Variants in KDM4C observed in about 807,000 individuals in gnomAD.
KDM4C encodes lysine demethylase 4C, also known as lysine-specific demethylase 4C.
In KDM4C, 81 loss-of-function variants were observed where a neutral mutation model predicts 129.3. That is an observed-to-expected ratio of 0.63 (90% confidence interval 0.52 to 0.75). KDM4C has a LOEUF of 0.75. Among genes scored for constraint, KDM4C ranks in the 30% least tolerant of loss-of-function variants. KDM4C has a pLI of 0.00. For missense variants in KDM4C, 1,457 were observed against 1,304.0 expected (o/e 1.12, Z -1.81); for synonymous variants, 573 against 456.1 (o/e 1.26, Z -3.26).
intron 17 of KDM4C, among the ~76,000 whole-genome samples, chr9:7,096,453 C>T (rs1390268363): frequency 2.0e-5 from 3 of 152,152 alleles, no homozygotes; most frequent in Non-Finnish European, 4.4e-5. Context: ...CCTTCTCACC[C>T]GTTCACTTCT....
rs572001438 is a variant in KDM4C, at chr9:7,069,038, A to G, written c.2424+19838A>G. Among the ~76,000 whole-genome samples the G allele has an allele frequency of 1.4e-4, 22 of 151,828 alleles. No homozygotes were observed. The East Asian group carries it at 3.5e-3, about 24-fold the overall frequency. ...CTATCCGAACCTTTCTTCTCACTCTACATTCTCAGTGGAGCATTCGTAGAA... is the reference window on the plus strand; with the variant it reads ...CTATCCGAACCTTTCTTCTCACTCTGCATTCTCAGTGGAGCATTCGTAGAA... On this transcript the variant is annotated intron_variant, in intron 17 of 21. Transcript: ENST00000381309.
At chr9:7,161,095 C>T (rs542249535) in intron 19 of KDM4C, among the ~76,000 whole-genome samples, 29 of 152,212 alleles carry the variant, frequency 1.9e-4, no homozygotes, top group Admixed American at 3.9e-4. Context: ...GACTGCTGCG[C>T]TAGCAGTGAG....
At chr9:6,959,729 T>C (rs1451639115) in intron 8 of KDM4C, among the ~76,000 whole-genome samples, 1 of 152,184 alleles carries the variant, frequency 6.6e-6, no homozygotes, top group Non-Finnish European at 1.5e-5. Flanking sequence ...CTAGTTAGGC[T>C]ACACGAATTA....
chr9:6,963,950 G>T (rs1240491653), intron 8 of KDM4C, among the ~76,000 whole-genome samples: 1 of 152,150 alleles, frequency 6.6e-6, no homozygotes, highest in Non-Finnish European at 1.5e-5. Context: ...TTTGAAAAAT[G>T]GTTAGAAAGC....
chr9:6,859,573 C>G (rs1449779003), intron 5 of KDM4C, among the ~76,000 whole-genome samples: 1 of 123,642 alleles, frequency 8.1e-6, no homozygotes, highest in Non-Finnish European at 1.7e-5. Context: ...CATTTTAAAA[C>G]TGAGGACTGG....
chr9:6,901,896 G>A (rs976722243), intron 8 of KDM4C, among the ~76,000 whole-genome samples: 1 of 152,172 alleles, frequency 6.6e-6, no homozygotes, highest in African/African-American at 2.4e-5. Context: ...TTCAGTCTAT[G>A]TTCTCAGCTC....
At chr9:7,107,167 C>T (rs940101517) in intron 18 of KDM4C, among the ~76,000 whole-genome samples, 6 of 152,196 alleles carry the variant, frequency 3.9e-5, no homozygotes, top group African/African-American at 1.2e-4. Flanking sequence ...CTGTCCGCTT[C>T]ACCACCCTGT....
In KDM4C at chr9:7,174,861, G is replaced by A; in HGVS notation, c.*132G>A. ...TGTGTCTCTGACAGTGGTAAATCGGGTTTCCAGAGTTTGGTCACCAAAAAT... is the reference window on the plus strand; with the variant it reads ...TGTGTCTCTGACAGTGGTAAATCGGATTTCCAGAGTTTGGTCACCAAAAAT... On this transcript the variant is annotated 3_prime_UTR_variant, in exon 22 of 22. Coordinates refer to ENST00000381309, the MANE Select transcript of KDM4C (RefSeq NM_015061.6). 1.4e-6 allele frequency: 1 copy of A among 702,330 alleles called. No individual in the cohort carries two copies. Among genetic ancestry groups the A allele is most frequent in the South Asian group, 2.3e-5 (1 of 42,642 alleles). The allele number at this position is 702,330 out of a possible 1,614,324, so 43.5% of individuals were successfully genotyped here. A position where few individuals can be genotyped will look rare whatever the true frequency, so the allele number is the denominator to read the frequency against.
chr9:7,129,238 T>C (rs766059419), intron 19 of KDM4C, among the ~76,000 whole-genome samples: 5 of 152,216 alleles, frequency 3.3e-5, no homozygotes, highest in Non-Finnish European at 7.3e-5. Context: ...CCTTTTGAAA[T>C]TGCTAAAGAC....
At chr9:6,874,313 A>G (rs978988546) in intron 5 of KDM4C, among the ~76,000 whole-genome samples, 4 of 152,194 alleles carry the variant, frequency 2.6e-5, no homozygotes, top group African/African-American at 9.7e-5. Flanking sequence ...ATGTTAAACA[A>G]CAATTAGTAA....
Position 6,849,523 on chromosome 9 carries a change from A to G in KDM4C, c.452A>G (p.Asn151Ser). The G allele has an allele frequency of 6.3e-7, 1 of 1,593,882 alleles. No individual in the cohort carries two copies. The highest frequency in any genetic ancestry group is 8.6e-7 in the Non-Finnish European group (1 of 1,165,392). ...SIYDEGVDEW[N>S]IARLNTVLDV... ...TCATTCCAGGGTGTGGATGAATGGA[A>G]CATAGCTCGCCTCAATACAGTCTTG... is the stretch of plus-strand genomic sequence containing the variant. Residue 151 changes from asparagine (N) to serine (S), a missense_variant, in exon 5 of 22, where the codon AAC (asparagine) becomes AGC (serine). Asn to Ser is a conservative substitution (Grantham distance 46). Transcript: ENST00000381309.
At chr9:6,778,249 C>G (rs946422324) in intron 1 of KDM4C, among the ~76,000 whole-genome samples, 87 of 151,848 alleles carry the variant, frequency 5.7e-4, no homozygotes, top group African/African-American at 1.9e-3. Flanking sequence ...GCCACCACCC[C>G]TGGCTAATTT....
chr9:6,985,978 A>G (rs1411072488), intron 10 of KDM4C, among the ~76,000 whole-genome samples: 1 of 152,206 alleles, frequency 6.6e-6, no homozygotes, highest in African/African-American at 2.4e-5. Context: ...CACGTGAGCC[A>G]CCGTGCCCGG....
chr9:6,893,903 A>T (rs999765929), intron 8 of KDM4C, among the ~76,000 whole-genome samples: 5 of 152,184 alleles, frequency 3.3e-5, no homozygotes, highest in East Asian at 1.9e-4. Context: ...CTTCAAAGTG[A>T]TGGTGGTTTC....
At chr9:7,044,747 A>G (rs960617530) in intron 15 of KDM4C, among the ~76,000 whole-genome samples, 2 of 151,968 alleles carry the variant, frequency 1.3e-5, no homozygotes, top group African/African-American at 4.8e-5. Context: ...CCATTGGCCT[A>G]TAGAGAGTGA....
chr9:6,760,463 A>G (rs528406965), intron 1 of KDM4C, among the ~76,000 whole-genome samples: 1 of 150,426 alleles, frequency 6.6e-6, no homozygotes, highest in Non-Finnish European at 1.5e-5. Flanking sequence ...ATATATATAT[A>G]TAATGTAATT....
At chr9:7,162,401 T>TG (rs1290317557) in intron 19 of KDM4C, among the ~76,000 whole-genome samples, 1 of 152,222 alleles carries the variant, frequency 6.6e-6, no homozygotes, top group Non-Finnish European at 1.5e-5. Flanking sequence ...GGTCAGGCAC[T>TG]GCCAATGCTG....
Position 6,729,555 on chromosome 9 carries a change from A to G in KDM4C, c.49+8558A>G, listed in dbSNP as rs1324521135. On this transcript the variant is annotated intron_variant, in intron 1 of 17. Transcript: ENST00000536108. The stretch of plus-strand genomic sequence containing the variant: ...GAGACCCTGTCTCAAAAACAAAAAA[A>G]ACAAATCTCCATAACTGATTATTTT... Among the ~76,000 whole-genome samples, 3 of 134,160 alleles carry G rather than the reference A, an allele frequency of 2.2e-5. 1 individual carries two copies. The highest frequency in any genetic ancestry group is 4.6e-5 in the Non-Finnish European group (3 of 65,520). 88.0% of individuals were successfully genotyped at this position (134,160 alleles called of 152,430 possible). A position where few individuals can be genotyped will look rare whatever the true frequency, so the allele number is the denominator to read the frequency against.
At chr9:7,038,639 G>T (rs558846617) in intron 15 of KDM4C, among the ~76,000 whole-genome samples, 4 of 151,862 alleles carry the variant, frequency 2.6e-5, no homozygotes, top group African/African-American at 9.7e-5. Context: ...AATTATAGTC[G>T]TTATATAGTC....
Sources: allele counts gnomAD v4.1 joint callset (sites outside exome capture counted in the v4.1 genomes callset), GRCh38; gene constraint gnomAD v4.1.1; transcripts MANE v1.5; gene names NCBI Gene and HGNC (gene_info 2026-07-23, HGNC 2026-07-21).